Variants in ZNF100 observed in about 807,000 individuals in gnomAD.
ZNF100 encodes zinc finger protein 100 (Y1).
In ZNF100, 12 loss-of-function variants were observed where a neutral mutation model predicts 15.8. The ratio of observed to expected loss-of-function variants is 0.76; its 90% confidence interval spans 0.49 to 1.23. ZNF100 has a LOEUF of 1.23. Among genes scored for constraint, ZNF100 ranks in the 50% most tolerant of loss-of-function variants. ZNF100 has a pLI of 0.00. For missense variants in ZNF100, 670 were observed against 635.6 expected (o/e 1.05, Z -0.58); for synonymous variants, 226 against 214.8 (o/e 1.05, Z -0.45).
chr19:21,745,554 C>T (rs1460761154), intron 2 of ZNF100, among the ~76,000 whole-genome samples: 6 of 150,496 alleles, frequency 4.0e-5, no homozygotes, highest in South Asian at 2.1e-4. Context: ...CTCGCTCTGT[C>T]GCCCAGGCCG....
intron 4 of ZNF100, among the ~76,000 whole-genome samples, chr19:21,740,515 G>C (rs1351539949): frequency 6.6e-6 from 1 of 151,620 alleles, no homozygotes. Flanking sequence ...GTGTAAAAAT[G>C]CCTCATAAGA....
At chr19:21,766,606 A>T (rs1020372037) in intron 1 of ZNF100, among the ~76,000 whole-genome samples, 1 of 152,192 alleles carries the variant, frequency 6.6e-6, no homozygotes, top group African/African-American at 2.4e-5. Flanking sequence ...TCTTCATCAT[A>T]CATTTTATAA....
chr19:21,746,910 T>C (rs1187092867), intron 2 of ZNF100: 1 of 152,182 alleles, frequency 6.6e-6, no homozygotes, highest in Non-Finnish European at 1.5e-5. Context: ...AACATCTACA[T>C]CTTGAGAAAA....
intron 4 of ZNF100, among the ~76,000 whole-genome samples, chr19:21,739,552 T>C (rs1371388567): frequency 5.3e-5 from 8 of 152,194 alleles, no homozygotes; most frequent in Non-Finnish European, 1.2e-4. Context: ...TATGATCATG[T>C]CTGAAAATGA....
chr19:21,735,137 G>A (rs8111464), intron 4 of ZNF100, among the ~76,000 whole-genome samples: 115,905 of 152,016 alleles, frequency 0.76, 45,350 homozygotes, highest in Non-Finnish European at 0.85. Flanking sequence ...AAACAACTAC[G>A]TCAACAGGTC....
At chr19:21,736,700 G>A (rs2036014148) in intron 4 of ZNF100, among the ~76,000 whole-genome samples, 1 of 152,136 alleles carries the variant, frequency 6.6e-6, no homozygotes, top group African/African-American at 2.4e-5. Flanking sequence ...CAGTTTCTCA[G>A]ACCACAGTGC....
At chr19:21,757,040 C>A (rs1344933927) in intron 2 of ZNF100, among the ~76,000 whole-genome samples, 1 of 152,202 alleles carries the variant, frequency 6.6e-6, no homozygotes, top group Non-Finnish European at 1.5e-5. Flanking sequence ...GTGGCTCACA[C>A]CTGTAATTCC....
chr19:21,741,028 T>A (rs1244026457), intron 4 of ZNF100, among the ~76,000 whole-genome samples: 1 of 152,204 alleles, frequency 6.6e-6, no homozygotes, highest in African/African-American at 2.4e-5. Flanking sequence ...GTCTCTTGAT[T>A]TATGAACACA....
At chr19:21,751,758 T>G in intron 2 of ZNF100, 1 of 1,268,268 alleles carries the variant, frequency 7.9e-7, no homozygotes, top group Non-Finnish European at 1.1e-6. Flanking sequence ...GATGACCACC[T>G]GAATTTTCTA....
chr19:21,748,613 ATAATAC>A (rs1408066767), intron 2 of ZNF100, among the ~76,000 whole-genome samples: 2 of 152,382 alleles, frequency 1.3e-5, no homozygotes, highest in East Asian at 3.9e-4. Flanking sequence ...AGATACACAA[ATAATAC>A]TAACAACTCT....
chr19:21,748,018 G>A (rs948205748), intron 2 of ZNF100, among the ~76,000 whole-genome samples: 2 of 152,092 alleles, frequency 1.3e-5, no homozygotes, highest in African/African-American at 2.4e-5. Flanking sequence ...GACAGAGGAG[G>A]GGGCATAGAA....
At chr19:21,744,353 A>T (rs2036173962) in intron 3 of ZNF100, among the ~76,000 whole-genome samples, 1 of 152,214 alleles carries the variant, frequency 6.6e-6, no homozygotes, top group Admixed American at 6.5e-5. Context: ...AAATATGGGC[A>T]AATATATATG....
Position 21,752,878 on chromosome 19 carries a change from G to C in ZNF100, c.97-7811C>G, listed in dbSNP as rs913241219. ...GGGTCTTGCTGTGTTGTCCAGGCTG[G>C]AGTATGGTGGCTGTTCACCAGTGCA... On this transcript the variant is annotated intron_variant, in intron 2 of 4. Transcript: ENST00000358296. 1.4e-4 allele frequency: 21 copies of C among 152,304 alleles called. 1 individual carries two copies. Among genetic ancestry groups the C allele is most frequent in the African/African-American group, 4.6e-4 (19 of 41,560 alleles). 9.4% of individuals were successfully genotyped at this position (152,304 alleles called of 1,614,324 possible). A position where few individuals can be genotyped will look rare whatever the true frequency, so the allele number is the denominator to read the frequency against.
chr19:21,755,501 T>C (rs1349218740), intron 2 of ZNF100, among the ~76,000 whole-genome samples: 3 of 152,046 alleles, frequency 2.0e-5, no homozygotes, highest in Non-Finnish European at 4.4e-5. Flanking sequence ...CAAATTAGTC[T>C]AACCATTGTG....
At position 21,725,131 on chromosome 19, in the gene ZNF100, A is replaced by T. The variant is rs1326144994; in HGVS notation, c.*1552T>A. 1 of 152,208 alleles carries T rather than the reference A, an allele frequency of 6.6e-6. No individual in the cohort carries two copies. The highest frequency in any genetic ancestry group is 2.4e-5 in the African/African-American group (1 of 41,452). 9.4% of individuals were successfully genotyped at this position (152,208 alleles called of 1,614,324 possible). A position where few individuals can be genotyped will look rare whatever the true frequency, so the allele number is the denominator to read the frequency against. ...CTTATTTGCAGTCAAAGCCACTAGC[A>T]AAAGAGATTACTAGAGATGTTAATC... On this transcript the variant is annotated 3_prime_UTR_variant, in exon 5 of 5. Coordinates refer to ENST00000358296, the MANE Select transcript of ZNF100 (RefSeq NM_173531.4).
intron 2 of ZNF100, chr19:21,752,204 G>A (rs760320072): frequency 3.2e-5 from 5 of 154,972 alleles, no homozygotes; most frequent in Non-Finnish European, 7.2e-5. Context: ...TACAATGTGG[G>A]CCAGTAACTG....
intron 2 of ZNF100, among the ~76,000 whole-genome samples, chr19:21,765,158 T>G (rs1375760449): frequency 6.6e-6 from 1 of 152,210 alleles, no homozygotes; most frequent in East Asian, 1.9e-4. Flanking sequence ...TGTAAATATT[T>G]TTCTACCTTT....
intron 4 of ZNF100, among the ~76,000 whole-genome samples, chr19:21,733,373 A>G (rs1294083799): frequency 6.6e-6 from 1 of 150,488 alleles, no homozygotes; most frequent in Non-Finnish European, 1.5e-5. Flanking sequence ...AGATTAAAAT[A>G]CATTGTTTTA....
intron 2 of ZNF100, 131 bp from the exon 3 acceptor site, chr19:21,745,198 A>G: frequency 2.2e-6 from 3 of 1,381,242 alleles, no homozygotes; most frequent in Non-Finnish European, 2.9e-6. Context: ...CAAATTTTCC[A>G]ATAATTTTTA....
Sources: gnomAD v4.1 joint callset for allele counts (sites outside exome capture counted in the v4.1 genomes callset) on GRCh38, gnomAD v4.1.1 for gene constraint, MANE v1.5 for transcripts, NCBI Gene and HGNC (gene_info 2026-07-23, HGNC 2026-07-21) for gene names.